Variants in STXBP5 observed in about 807,000 individuals in gnomAD.
The protein encoded by STXBP5 is syntaxin-binding protein 5.
STXBP5 carries 50 observed loss-of-function variants against 152.4 expected under a neutral mutation model. The ratio of observed to expected loss-of-function variants is 0.33; its 90% CI spans 0.26 to 0.42. The LOEUF (loss-of-function observed/expected upper bound fraction) is 0.42. Among genes scored for constraint, STXBP5 ranks in the 10% least tolerant of loss-of-function variants. The pLI is 1.00. For missense variants in STXBP5, 1,167 were observed against 1,388.6 expected, an observed-to-expected ratio of 0.84 and a Z score of 2.54; for synonymous variants, 492 against 494.7, an observed-to-expected ratio of 0.99 and a Z score of 0.07.
At chr6:147,230,253 T>G (rs1777929613) in intron 2 of STXBP5, among the ~76,000 whole-genome samples, 2 of 151,998 alleles carry the variant, frequency 1.3e-5, no homozygotes, top group South Asian at 2.1e-4. Context: ...CTTTAAAATG[T>G]TTTTTAGCTG....
At chr6:147,357,707 G>C (rs1026908334) in intron 22 of STXBP5, among the ~76,000 whole-genome samples, 30 of 152,198 alleles carry the variant, frequency 2.0e-4, no homozygotes, top group African/African-American at 6.5e-4. Flanking sequence ...AAATACCTTA[G>C]GGCTTGGCAT....
intron 21 of STXBP5, among the ~76,000 whole-genome samples, chr6:147,340,109 A>G (rs138138522): frequency 1.3e-5 from 2 of 152,162 alleles, no homozygotes; most frequent in South Asian, 2.1e-4. Context: ...TTGATCTTTG[A>G]TTTAAATTCT....
intron 4 of STXBP5, among the ~76,000 whole-genome samples, chr6:147,257,401 T>G (rs1435149760): frequency 6.6e-6 from 1 of 151,888 alleles, no homozygotes; most frequent in Non-Finnish European, 1.5e-5. Flanking sequence ...TTTTAGTGTT[T>G]CTTAGGTGGG....
At chr6:147,312,236 T>C (rs1386504409) in intron 11 of STXBP5, among the ~76,000 whole-genome samples, 1 of 152,182 alleles carries the variant, frequency 6.6e-6, no homozygotes, top group African/African-American at 2.4e-5. Flanking sequence ...ACCAGATGTA[T>C]TATATCTGAT....
chr6:147,339,480 A>G (rs1447885799), intron 21 of STXBP5, 96 bp downstream of exon 21: 2 of 942,484 alleles, frequency 2.1e-6, no homozygotes, highest in Non-Finnish European at 3.0e-6. Context: ...TTTTGTGTAA[A>G]TTTGTTGTTC....
intron 18 of STXBP5, among the ~76,000 whole-genome samples, chr6:147,331,058 G>T (rs991169144): frequency 1.3e-5 from 2 of 152,154 alleles, no homozygotes; most frequent in African/African-American, 2.4e-5. Context: ...CATGGTACTG[G>T]ATTAATGTGT....
chr6:147,385,090 C>A lies in STXBP5; in HGVS notation c.*335C>A. On this transcript the variant is annotated 3_prime_UTR_variant, in exon 28 of 28. Transcript: ENST00000321680. The stretch of plus-strand genomic sequence containing the variant: ...ATTCCTGTATTAAACTTTCATATGC[C>A]AAAAGGGTTTGTGCCGTTTTATCTG... 1 of 265,602 alleles carries A rather than the reference C, an allele frequency of 3.8e-6. No homozygotes were observed. Among genetic ancestry groups the A allele is most frequent in the Non-Finnish European group, 7.1e-6 (1 of 141,342 alleles). 16.5% of individuals were successfully genotyped at this position (265,602 alleles called of 1,614,324 possible).
chr6:147,224,718 A>G (rs1777625086), intron 2 of STXBP5, among the ~76,000 whole-genome samples: 1 of 152,146 alleles, frequency 6.6e-6, no homozygotes, highest in Non-Finnish European at 1.5e-5. Flanking sequence ...ATCCCCCATA[A>G]CAGTGTGGAT....
intron 2 of STXBP5, among the ~76,000 whole-genome samples, chr6:147,218,376 T>C (rs1212451037): frequency 6.6e-6 from 1 of 152,226 alleles, no homozygotes; most frequent in Non-Finnish European, 1.5e-5. Context: ...TTTAAGTATT[T>C]CATTTTTTGG....
At chr6:147,237,772 T>C (rs1230298114) in intron 3 of STXBP5, among the ~76,000 whole-genome samples, 1 of 152,206 alleles carries the variant, frequency 6.6e-6, no homozygotes, top group African/African-American at 2.4e-5. Flanking sequence ...ACAGCTGTTT[T>C]AATTCTTCTG....
intron 4 of STXBP5, among the ~76,000 whole-genome samples, chr6:147,245,226 A>C (rs572375002): frequency 2.0e-5 from 3 of 152,020 alleles, no homozygotes; most frequent in Non-Finnish European, 4.4e-5. Flanking sequence ...TTAGGACTTC[A>C]CCATATAATT....
intron 18 of STXBP5, among the ~76,000 whole-genome samples, chr6:147,329,742 C>T (rs184463282): frequency 6.6e-5 from 10 of 150,830 alleles, no homozygotes; most frequent in Admixed American, 5.3e-4. Flanking sequence ...TCTCCTGCCT[C>T]AGCCTCCCGA....
At position 147,239,239 on chromosome 6, in the gene STXBP5, A is replaced by G. The variant is rs756936155; in HGVS notation, c.400A>G (p.Ile134Val). 1.4e-5 allele frequency: 23 copies of G among 1,613,660 alleles called. No individual in the cohort carries two copies. Among genetic ancestry groups the G allele is most frequent in the African/African-American group, 2.7e-5 (2 of 74,924 alleles). ...GAATTTACGTCAGAAGAGGCCTGCC[A>G]TACTACATTCGCTTAAATTTTGCAG... ...LWNLRQKRPA[I>V]LHSLKFCRER... is the part of the protein sequence containing the mutation. Residue 134 changes from isoleucine (I) to valine (V), a missense_variant, in exon 4 of 28, where the codon ATA becomes GTA. By Grantham distance (29) the Ile-to-Val change is conservative (BLOSUM62 3). Around this residue, in one of 3 missense-constraint regions of STXBP5, gnomAD observed 310 missense variants for 346.1 expected, o/e 0.90. Coordinates refer to ENST00000321680, the MANE Select transcript of STXBP5 (RefSeq NM_001127715.4).
rs1335393223 is a variant in STXBP5, at chr6:147,337,200, C to G, written c.2147-1979C>G. ...ATATATACACATACATAGACACACACACACACACACACACAAGAAGTCATG... is the reference window on the plus strand; with the variant it reads ...ATATATACACATACATAGACACACAGACACACACACACACAAGAAGTCATG... On this transcript the variant is annotated intron_variant, in intron 19 of 27. Coordinates refer to ENST00000321680, the MANE Select transcript of STXBP5 (RefSeq NM_001127715.4). Among the ~76,000 whole-genome samples, 6 of 143,322 alleles carry G rather than the reference C, an allele frequency of 4.2e-5. No individual in the cohort carries two copies. The Admixed American group carries it at 4.3e-4, about 10-fold the overall frequency. The allele number at this position is 143,322 out of a possible 152,430, so 94.0% of individuals were successfully genotyped here. A position where few individuals can be genotyped will look rare whatever the true frequency, so the allele number is the denominator to read the frequency against.
intron 4 of STXBP5, among the ~76,000 whole-genome samples, chr6:147,254,627 A>G (rs552624402): frequency 3.3e-4 from 51 of 152,336 alleles, no homozygotes; most frequent in African/African-American, 9.6e-4. Flanking sequence ...AAAGTGGGCA[A>G]ACTTCTCAAA....
chr6:147,292,198 A>G, intron 9 of STXBP5: 1 of 441,696 alleles, frequency 2.3e-6, no homozygotes, highest in Non-Finnish European at 4.5e-6. Context: ...TAAAGGTACC[A>G]GGCTAAAATA....
intron 9 of STXBP5, among the ~76,000 whole-genome samples, chr6:147,306,811 G>A (rs2128367028): frequency 6.6e-6 from 1 of 152,266 alleles, no homozygotes; most frequent in South Asian, 2.1e-4. Flanking sequence ...CATCCCTTCT[G>A]GGGACTGTCC....
chr6:147,358,322 C>A (rs920721335), intron 22 of STXBP5, among the ~76,000 whole-genome samples: 1 of 151,944 alleles, frequency 6.6e-6, no homozygotes, highest in Non-Finnish European at 1.5e-5. Flanking sequence ...CACACTCTAC[C>A]AGTCATGGAT....
At chr6:147,337,284 C>G (rs1783880125) in intron 19 of STXBP5, among the ~76,000 whole-genome samples, 1 of 151,492 alleles carries the variant, frequency 6.6e-6, no homozygotes, top group Non-Finnish European at 1.5e-5. Flanking sequence ...CAGGGCCACA[C>G]ATACCATGAT....
Sources: gnomAD v4.1 joint callset for allele counts (sites outside exome capture counted in the v4.1 genomes callset) on GRCh38, gnomAD v4.1.1 for gene constraint, gnomAD v4.1.1 regional missense constraint, MANE v1.5 for transcripts, NCBI Gene and HGNC (gene_info 2026-07-23, HGNC 2026-07-21) for gene names.